Variants in GRIK2 observed in about 807,000 individuals in gnomAD.
The protein encoded by GRIK2 is glutamate ionotropic receptor kainate type subunit 2, also known as glutamate receptor ionotropic, kainate 2.
GRIK2 carries 32 observed loss-of-function variants against 100.3 expected under a neutral mutation model. That is an observed-to-expected ratio of 0.32 (90% confidence interval 0.24 to 0.43). GRIK2 has a LOEUF of 0.43. Among genes scored for constraint, GRIK2 ranks in the 20% least tolerant of loss-of-function variants. The pLI is 1.00. For missense variants in GRIK2, 843 were observed against 1,114.9 expected, an observed-to-expected ratio of 0.76 and a Z score of 3.47; for synonymous variants, 417 against 389.4, an observed-to-expected ratio of 1.07 and a Z score of -0.83.
chr6:101,649,498 C>T (rs1019804108), intron 4 of GRIK2, among the ~76,000 whole-genome samples: 1 of 152,046 alleles, frequency 6.6e-6, no homozygotes, highest in African/African-American at 2.4e-5. Context: ...CAGCAACCAA[C>T]AGCTCGTACA....
intron 2 of GRIK2, among the ~76,000 whole-genome samples, chr6:101,483,173 T>C (rs1772627539): frequency 6.6e-6 from 1 of 152,202 alleles, no homozygotes; most frequent in South Asian, 2.1e-4. Flanking sequence ...TTATTTTGTT[T>C]CTTCATAGAT....
intron 14 of GRIK2, among the ~76,000 whole-genome samples, chr6:101,959,479 A>G (rs1000442952): frequency 4.6e-5 from 7 of 151,970 alleles, no homozygotes; most frequent in African/African-American, 1.7e-4. Flanking sequence ...TCCATTTTTC[A>G]TGGTTGATCT....
chr6:101,944,754 C>T (rs1395730623), intron 14 of GRIK2, among the ~76,000 whole-genome samples: 1 of 151,784 alleles, frequency 6.6e-6, no homozygotes, highest in Non-Finnish European at 1.5e-5. Flanking sequence ...TAATAAAGGT[C>T]AATAAAAGTG....
intron 2 of GRIK2, among the ~76,000 whole-genome samples, chr6:101,502,280 G>GT (rs1773797070): frequency 6.6e-6 from 1 of 151,996 alleles, no homozygotes; most frequent in South Asian, 2.1e-4. Flanking sequence ...TATCATTTCT[G>GT]GGAACATATG....
intron 14 of GRIK2, among the ~76,000 whole-genome samples, chr6:101,985,174 GATTAAA>G (rs1380736924): frequency 6.6e-6 from 1 of 151,528 alleles, no homozygotes; most frequent in Non-Finnish European, 1.5e-5. Context: ...TTCCCTCAAG[GATTAAA>G]ATTCAATGAA....
chr6:101,655,854 C>T (rs1476318499), intron 4 of GRIK2, among the ~76,000 whole-genome samples: 4 of 152,096 alleles, frequency 2.6e-5, no homozygotes, highest in Admixed American at 1.3e-4. Flanking sequence ...AGGACCACTG[C>T]TTAATATCAG....
At chr6:101,527,426 A>G (rs1775209372) in intron 2 of GRIK2, among the ~76,000 whole-genome samples, 1 of 152,184 alleles carries the variant, frequency 6.6e-6, no homozygotes, top group African/African-American at 2.4e-5. Context: ...AAAGCTCACC[A>G]AAAAAGGACA....
At chr6:101,834,568 G>A (rs1782940071) in intron 10 of GRIK2, among the ~76,000 whole-genome samples, 1 of 152,078 alleles carries the variant, frequency 6.6e-6, no homozygotes, top group East Asian at 1.9e-4. Context: ...TTGAAATCAA[G>A]CAGAACACTC....
chr6:101,893,231 G>T (rs1235262329), intron 12 of GRIK2, among the ~76,000 whole-genome samples: 1 of 151,136 alleles, frequency 6.6e-6, no homozygotes, highest in Non-Finnish European at 1.5e-5. Flanking sequence ...AATTAATATG[G>T]TATTTTAAGT....
At chr6:101,930,785 A>G (rs1368115529) in intron 14 of GRIK2, among the ~76,000 whole-genome samples, 2 of 151,644 alleles carry the variant, frequency 1.3e-5, no homozygotes, top group South Asian at 2.1e-4. Context: ...ATTTTTGCCT[A>G]CTTTCACTTT....
chr6:101,512,908 G>T (rs982807060), intron 2 of GRIK2, among the ~76,000 whole-genome samples: 1 of 151,868 alleles, frequency 6.6e-6, no homozygotes, highest in Non-Finnish European at 1.5e-5. Flanking sequence ...TGTAAATAAT[G>T]ATTTTCATGT....
intron 2 of GRIK2, among the ~76,000 whole-genome samples, chr6:101,539,719 CAT>C (rs1775893344): frequency 6.6e-6 from 1 of 151,640 alleles, no homozygotes; most frequent in South Asian, 2.1e-4. Flanking sequence ...ATGGCTGAGT[CAT>C]AAACACAATT....
intron 2 of GRIK2, among the ~76,000 whole-genome samples, chr6:101,620,934 G>C (rs1313970278): frequency 2.0e-5 from 3 of 152,114 alleles, no homozygotes; most frequent in African/African-American, 7.2e-5. Context: ...ATGAGACAGA[G>C]CTGGTGGAAG....
intron 2 of GRIK2, among the ~76,000 whole-genome samples, chr6:101,593,536 A>G (rs1339585716): frequency 6.6e-6 from 1 of 151,872 alleles, no homozygotes; most frequent in African/African-American, 2.4e-5. Context: ...GCTTAATGCT[A>G]TTATTCCTCT....
chr6:102,002,544 A>G (rs1795007746), intron 14 of GRIK2, among the ~76,000 whole-genome samples: 1 of 150,158 alleles, frequency 6.7e-6, no homozygotes, highest in Admixed American at 6.7e-5. Context: ...CTGAGAACAT[A>G]TTATCTGCTC....
chr6:101,782,915 G>C (rs887460664), intron 7 of GRIK2, among the ~76,000 whole-genome samples: 1 of 147,998 alleles, frequency 6.8e-6, no homozygotes, highest in African/African-American at 2.5e-5. Context: ...GGAGTGCAGT[G>C]GTGCGATCTC....
At chr6:102,018,711 A>C (rs1769262038) in intron 14 of GRIK2, among the ~76,000 whole-genome samples, 1 of 152,050 alleles carries the variant, frequency 6.6e-6, no homozygotes, top group Non-Finnish European at 1.5e-5. Context: ...TCTCTTCTCT[A>C]AAAAATCTAA....
intron 14 of GRIK2, among the ~76,000 whole-genome samples, chr6:102,020,677 G>A (rs113852891): frequency 2.0e-5 from 3 of 151,954 alleles, no homozygotes; most frequent in East Asian, 3.9e-4. Flanking sequence ...GTGAAGGTTC[G>A]AAAGCCTTGG....
chr6:101,898,843 A>C (rs901139556), intron 12 of GRIK2, among the ~76,000 whole-genome samples: 4 of 151,992 alleles, frequency 2.6e-5, no homozygotes, highest in Admixed American at 6.6e-5. Flanking sequence ...ATAATAATGT[A>C]CAGACAAAAT....
Sources: allele counts gnomAD v4.1 joint callset (sites outside exome capture counted in the v4.1 genomes callset), GRCh38; gene constraint gnomAD v4.1.1; transcripts MANE v1.5; gene names NCBI Gene and HGNC (gene_info 2026-07-23, HGNC 2026-07-21).